Variants in WBP2 observed in about 807,000 individuals in gnomAD.
WBP2 encodes the protein WW domain-binding protein 2.
In WBP2, 23 loss-of-function variants were observed where a neutral mutation model predicts 33.0. The ratio of observed to expected loss-of-function variants is 0.70; its 90% CI spans 0.50 to 0.99. The LOEUF (loss-of-function observed/expected upper bound fraction) is 0.99, where lower values mean the gene tolerates loss of function less well. WBP2 is among the 50% of genes least tolerant of loss of function. The pLI is 0.00. For missense variants in WBP2, 353 were observed against 358.0 expected, an observed-to-expected ratio of 0.99 and a Z score of 0.11; for synonymous variants, 153 against 133.5, an observed-to-expected ratio of 1.15 and a Z score of -1.01.
chr17:75,853,258 C>T (rs541077582), intron 1 of WBP2, among the ~76,000 whole-genome samples: 5 of 152,176 alleles, frequency 3.3e-5, no homozygotes, highest in African/African-American at 1.2e-4. Context: ...GTTGGTCAGG[C>T]GGGTTTCAAA....
chr17:75,847,484 C>T lies in WBP2; in HGVS notation c.655+3G>A. The T allele has an allele frequency of 6.3e-7, 1 of 1,591,536 alleles. No individual in the cohort carries two copies. The highest frequency in any genetic ancestry group is 8.5e-7 in the Non-Finnish European group (1 of 1,169,972). On this transcript the variant is annotated splice_donor_region_variant and intron_variant, in intron 6 of 7. Coordinates refer to ENST00000254806, the MANE Select transcript of WBP2 (RefSeq NM_012478.4). ...AGGGCTGCCAGCACCCAAGGGCCCT[C>T]ACCTGCAGGAGTGGAGGGGACATCG...
upstream of WBP2, among the ~76,000 whole-genome samples, chr17:75,855,753 C>G (rs997673280): frequency 6.6e-6 from 1 of 152,264 alleles, no homozygotes; most frequent in Non-Finnish European, 1.5e-5. Context: ...CGAATGCGAC[C>G]TGGACATGGC....
chr17:75,855,415 T>A, upstream of WBP2: 2 of 1,164,850 alleles, frequency 1.7e-6, no homozygotes, highest in Middle Eastern at 2.0e-4. Flanking sequence ...GTGCGGAGGC[T>A]GGCCCAAACA....
rs554662455 is a variant in WBP2, at chr17:75,853,259, G to A, written c.60-1583C>T. On this transcript the variant is annotated intron_variant, in intron 1 of 7. Transcript: ENST00000254806. ...CGAGGTTTTACCATGTTGGTCAGGCGGGTTTCAAACTCCTGACCTCAAGTG... is the reference window on the plus strand; with the variant it reads ...CGAGGTTTTACCATGTTGGTCAGGCAGGTTTCAAACTCCTGACCTCAAGTG... Among the ~76,000 whole-genome samples, 7 of 152,094 alleles carry A rather than the reference G, an allele frequency of 4.6e-5. No individual in the cohort carries two copies. In the Middle Eastern group the frequency reaches 0.014, roughly 296 times the overall value.
intron 2 of WBP2, 77 bp downstream of exon 2, chr17:75,851,491 G>T: frequency 8.8e-7 from 1 of 1,131,978 alleles, no homozygotes; most frequent in Non-Finnish European, 1.3e-6. Flanking sequence ...TGAGGCTGAG[G>T]CAGACCTGAG....
chr17:75,855,686 C>A (rs942015620), upstream of WBP2, among the ~76,000 whole-genome samples: 1 of 152,274 alleles, frequency 6.6e-6, no homozygotes, highest in Non-Finnish European at 1.5e-5. Flanking sequence ...AGTTCCGCTC[C>A]TGGCAGGGGC....
Position 75,851,145 on chromosome 17 carries a change from G to A in WBP2, c.168+423C>T, listed in dbSNP as rs1160569285. 1.8e-5 allele frequency: 3 copies of A among 163,662 alleles called. No individual in the cohort carries two copies. The South Asian group carries it at 4.7e-4, about 26-fold the overall frequency. 10.1% of individuals were successfully genotyped at this position (163,662 alleles called of 1,614,324 possible). A position where few individuals can be genotyped will look rare whatever the true frequency, so the allele number is the denominator to read the frequency against. ...ATTTGTCATTCTGCGGGGTGGTACCGGGCTCTCTGCCCAGTCCGGAGGCCG... is the reference window on the plus strand; with the variant it reads ...ATTTGTCATTCTGCGGGGTGGTACCAGGCTCTCTGCCCAGTCCGGAGGCCG... On this transcript the variant is annotated intron_variant, in intron 2 of 7. Coordinates refer to ENST00000254806, the MANE Select transcript of WBP2 (RefSeq NM_012478.4).
At position 75,846,491 on chromosome 17, in the gene WBP2, C is replaced by A. The variant is rs1005662730; in HGVS notation, c.*243G>T. On this transcript the variant is annotated 3_prime_UTR_variant, in exon 8 of 8. Transcript: ENST00000254806. The surrounding 1 kb of genome is among the most constrained non-coding windows in gnomAD (Gnocchi z 4.8). ...GGGATGCTCCGTGCTCCCAGAAGAG[C>A]CCCAGACGGTGAGGGAGGTACGCTG... 1 of 576,988 alleles carries A rather than the reference C, an allele frequency of 1.7e-6. No individual in the cohort carries two copies. Among genetic ancestry groups the A allele is most frequent in the Non-Finnish European group, 3.1e-6 (1 of 323,836 alleles). 35.7% of individuals were successfully genotyped at this position (576,988 alleles called of 1,614,324 possible). A position where few individuals can be genotyped will look rare whatever the true frequency, so the allele number is the denominator to read the frequency against.
intron 1 of WBP2, 78 bp from the exon 2 acceptor site, chr17:75,851,754 C>T (rs1567827407): frequency 9.4e-7 from 1 of 1,058,860 alleles, no homozygotes; most frequent in Non-Finnish European, 1.5e-6. Context: ...GCCTTTCTCC[C>T]AAGCAGCTGC....
Position 75,848,067 on chromosome 17 carries a change from C to T in WBP2, c.398-137G>A, listed in dbSNP as rs2065006067. The T allele has an allele frequency of 7.5e-6, 9 of 1,207,540 alleles. No homozygotes were observed. The Admixed American group carries it at 8.4e-5, about 11-fold the overall frequency. 74.8% of individuals were successfully genotyped at this position (1,207,540 alleles called of 1,614,324 possible). Reference sequence around the variant, plus strand: ...ACATCCTCTGTCCATCCCACTCCACCCTCCACCCATACTCGGGGGGCCACC... The same window carrying T: ...ACATCCTCTGTCCATCCCACTCCACTCTCCACCCATACTCGGGGGGCCACC... On this transcript the variant is annotated intron_variant, in intron 4 of 7. Coordinates refer to ENST00000254806, the MANE Select transcript of WBP2 (RefSeq NM_012478.4).
rs530641040 is a variant in WBP2, at chr17:75,847,575, G to C, written c.567C>G (p.Ala189=). 4 of 1,610,128 alleles carry C rather than the reference G, an allele frequency of 2.5e-6. No individual in the cohort carries two copies. The highest frequency in any genetic ancestry group is 3.4e-6 in the Non-Finnish European group (4 of 1,178,010). Residue 189 remains alanine (A), a synonymous_variant, in exon 6 of 8, where the codon GCC becomes GCG. Transcript: ENST00000254806. ...GTGGTGGGGGCTGCACGTATCCCAT[G>C]GCCCCGTCCATCATGGGGGGTCCTG... The part of the protein sequence containing the change: ...FYPGPPMMDG[A]MGYVQPPPPP...
chr17:75,853,316 G>T (rs143834939), intron 1 of WBP2, among the ~76,000 whole-genome samples: 612 of 152,316 alleles, frequency 4.0e-3, no homozygotes, highest in African/African-American at 0.014. Flanking sequence ...AAAGTGCTGG[G>T]ATTACAGGCG....
intron 5 of WBP2, 54 bp from the exon 6 acceptor site, chr17:75,847,663 C>A: frequency 6.2e-7 from 1 of 1,609,524 alleles, no homozygotes; most frequent in Non-Finnish European, 8.5e-7. Flanking sequence ...GCGGCCCCCT[C>A]CCGGGTGAGG....
At chr17:75,848,013 C>CTACT in intron 4 of WBP2, 83 bp from the exon 5 acceptor site, 1 of 1,516,594 alleles carries the variant, frequency 6.6e-7, no homozygotes, top group South Asian at 1.2e-5. Context: ...CAGATGGGAG[C>CTACT]TACTGGGTCT....
chr17:75,849,535 C>T lies in WBP2; in HGVS notation c.304+69G>A, dbSNP rs141304141. 5.5e-5 allele frequency: 87 copies of T among 1,585,034 alleles called. No homozygotes were observed. In the African/African-American group the frequency reaches 8.0e-4, roughly 15 times the overall value. On this transcript the variant is annotated intron_variant, in intron 3 of 7. Transcript: ENST00000254806. ...GGGTCTGAAGGGGACGCCCCCACGG[C>T]GGCAGTCAGAGGTTCCCAGGACACC...
At chr17:75,854,350 GGGCT>G (rs1281176086) in intron 1 of WBP2, among the ~76,000 whole-genome samples, 3 of 152,188 alleles carry the variant, frequency 2.0e-5, no homozygotes, top group Non-Finnish European at 4.4e-5. Context: ...GTTCAACCCA[GGGCT>G]GGCTGGTCTG....
chr17:75,848,794 G>A, intron 3 of WBP2, 132 bp from the exon 4 acceptor site: 1 of 746,336 alleles, frequency 1.3e-6, no homozygotes, highest in Non-Finnish European at 2.3e-6. Flanking sequence ...CACTGTGATG[G>A]GGACTTCCTG....
Position 75,846,850 on chromosome 17 carries a change from C to A in WBP2, c.732+58G>T, listed in dbSNP as rs113878830. On this transcript the variant is annotated intron_variant, in intron 7 of 7. Coordinates refer to ENST00000254806, the MANE Select transcript of WBP2 (RefSeq NM_012478.4). This position sits in a 1 kb window ranked among gnomAD's most constrained non-coding sequence, Gnocchi z 4.8. ...TTTAAAACATGGTGCGGTCATCCCC[C>A]TGCGGCTCCCAGCATCTGCGGCTGT... The A allele has an allele frequency of 8.7e-6, 14 of 1,612,632 alleles. No individual in the cohort carries two copies. The South Asian group carries it at 1.3e-4, about 15-fold the overall frequency.
chr17:75,847,692 T>C lies in WBP2; in HGVS notation c.533-83A>G, dbSNP rs2065002845. On this transcript the variant is annotated intron_variant, in intron 5 of 7. Coordinates refer to ENST00000254806, the MANE Select transcript of WBP2 (RefSeq NM_012478.4). ...GGTGAGGGGGGCCTCTCCAGCTCCT[T>C]CGTTGGTCCTGAAGCAGCTCAAGGA... 1.9e-6 allele frequency: 3 copies of C among 1,591,120 alleles called. No homozygotes were observed. The African/African-American group carries it at 4.0e-5, about 21-fold the overall frequency.
Sources: gnomAD v4.1 joint callset for allele counts (sites outside exome capture counted in the v4.1 genomes callset) on GRCh38, gnomAD v4.1.1 for gene constraint, Gnocchi (gnomAD v3.1) non-coding constraint, MANE v1.5 for transcripts, NCBI Gene and HGNC (gene_info 2026-07-23, HGNC 2026-07-21) for gene names.